Variants in NSMCE2 observed in about 807,000 individuals in gnomAD.
NSMCE2 encodes the protein E3 SUMO-protein ligase NSE2.
NSMCE2 carries 24 observed loss-of-function variants against 23.8 expected under a neutral mutation model. That is an observed-to-expected ratio of 1.01 (90% CI 0.73 to 1.42). The LOEUF is 1.42. NSMCE2 is among the 40% of genes most tolerant of loss of function. The pLI, the probability that NSMCE2 is intolerant of heterozygous loss-of-function variation, is 0.00. For missense variants in NSMCE2, 284 were observed against 296.5 expected, an observed-to-expected ratio of 0.96 and a Z score of 0.31; for synonymous variants, 92 against 94.1, an observed-to-expected ratio of 0.98 and a Z score of 0.13.
intron 5 of NSMCE2, among the ~76,000 whole-genome samples, chr8:125,292,485 C>T (rs1239135950): frequency 1.3e-5 from 2 of 151,480 alleles, no homozygotes; most frequent in Non-Finnish European, 1.5e-5. Context: ...ACCTAGGAGG[C>T]GGAGATTGCA....
At chr8:125,138,262 C>T (rs147092454) in intron 3 of NSMCE2, among the ~76,000 whole-genome samples, 1 of 152,260 alleles carries the variant, frequency 6.6e-6, no homozygotes, top group African/African-American at 2.4e-5. Context: ...CAATCTCTGT[C>T]ACTCAGGATG....
chr8:125,121,112 G>C (rs1224587347), intron 3 of NSMCE2, among the ~76,000 whole-genome samples: 2 of 152,184 alleles, frequency 1.3e-5, no homozygotes, highest in East Asian at 1.9e-4. Flanking sequence ...GTAGAGCCAG[G>C]AGAAAGTGGC....
intron 3 of NSMCE2, among the ~76,000 whole-genome samples, chr8:125,147,100 A>G (rs1382829519): frequency 2.0e-5 from 3 of 152,180 alleles, no homozygotes; most frequent in African/African-American, 2.4e-5. Context: ...AGTGTTGTAC[A>G]GCAATGCTTT....
At chr8:125,353,587 A>G (rs1232669300) in intron 5 of NSMCE2, among the ~76,000 whole-genome samples, 2 of 152,206 alleles carry the variant, frequency 1.3e-5, no homozygotes, top group Non-Finnish European at 2.9e-5. Flanking sequence ...TACCTGCCCT[A>G]TTAAATATCG....
chr8:125,103,248 G>C (rs2130367841), intron 3 of NSMCE2, among the ~76,000 whole-genome samples: 1 of 152,196 alleles, frequency 6.6e-6, no homozygotes, highest in East Asian at 1.9e-4. Context: ...GGAGGTTGCA[G>C]TGAGTCGAGA....
chr8:125,350,829 T>C (rs148574366), intron 5 of NSMCE2, among the ~76,000 whole-genome samples: 22 of 152,092 alleles, frequency 1.4e-4, no homozygotes, highest in African/African-American at 5.1e-4. Context: ...AGCCAAACCA[T>C]ATTAGGTTGT....
At chr8:125,316,409 G>A (rs756965453) in intron 5 of NSMCE2, among the ~76,000 whole-genome samples, 5 of 152,180 alleles carry the variant, frequency 3.3e-5, no homozygotes, top group Non-Finnish European at 5.9e-5. Context: ...GTATGATAAG[G>A]TACAAAGTCT....
chr8:125,186,120 G>T (rs914808224), intron 5 of NSMCE2, among the ~76,000 whole-genome samples: 1 of 151,994 alleles, frequency 6.6e-6, no homozygotes, highest in African/African-American at 2.4e-5. Context: ...TTAACTGTTG[G>T]AGAAAAAAAT....
intron 5 of NSMCE2, among the ~76,000 whole-genome samples, chr8:125,251,029 T>C (rs1428188250): frequency 6.6e-6 from 1 of 152,208 alleles, no homozygotes; most frequent in African/African-American, 2.4e-5. Flanking sequence ...AAAAATTATA[T>C]AGCAGCTGTT....
rs370700789 is a variant in NSMCE2, at chr8:125,124,995, A to C, written c.157+22508A>C. Among the ~76,000 whole-genome samples, 5 of 151,886 alleles carry C rather than the reference A, an allele frequency of 3.3e-5. No homozygotes were observed. In the East Asian group the frequency reaches 7.7e-4, roughly 24 times the overall value. ...TTTTTAGTAGAGATGGGGTTTCACT[A>C]TGTTGGCCAGGCTGGTCTGGAACTC... On this transcript the variant is annotated intron_variant, in intron 3 of 7. Coordinates refer to ENST00000287437, the MANE Select transcript of NSMCE2 (RefSeq NM_173685.4).
chr8:125,139,397 G>A lies in NSMCE2; in HGVS notation c.158-11774G>A, dbSNP rs1164289005. Reference sequence around the variant, plus strand: ...TTTTTTTGTTTTTAATATAGTATGTGTTGTCTTCTGTATTAGTCTGTTCTC... The same window carrying A: ...TTTTTTTGTTTTTAATATAGTATGTATTGTCTTCTGTATTAGTCTGTTCTC... On this transcript the variant is annotated intron_variant, in intron 3 of 7. Transcript: ENST00000287437. Among the ~76,000 whole-genome samples the A allele has an allele frequency of 5.9e-5, 9 of 152,072 alleles. No individual in the cohort carries two copies. In the East Asian group the frequency reaches 1.2e-3, roughly 20 times the overall value.
At chr8:125,185,709 A>G (rs879428629) in intron 5 of NSMCE2, among the ~76,000 whole-genome samples, 10 of 152,360 alleles carry the variant, frequency 6.6e-5, no homozygotes, top group Admixed American at 3.9e-4. Context: ...TTCTAAAAAT[A>G]TTAACATATG....
At chr8:125,282,148 C>T (rs1827721319) in intron 5 of NSMCE2, among the ~76,000 whole-genome samples, 1 of 151,428 alleles carries the variant, frequency 6.6e-6, no homozygotes, top group Non-Finnish European at 1.5e-5. Flanking sequence ...GAGTCTCACT[C>T]TGTAACCCAG....
At chr8:125,145,393 G>A (rs996723667) in intron 3 of NSMCE2, among the ~76,000 whole-genome samples, 8 of 151,612 alleles carry the variant, frequency 5.3e-5, no homozygotes, top group African/African-American at 1.7e-4. Flanking sequence ...GTGGCAGTGC[G>A]GGGGGGATAG....
At chr8:125,134,625 C>A (rs774371744) in intron 3 of NSMCE2, among the ~76,000 whole-genome samples, 1 of 151,286 alleles carries the variant, frequency 6.6e-6, no homozygotes, top group Non-Finnish European at 1.5e-5. Flanking sequence ...TTAATCATTG[C>A]ATTTTGAGGG....
chr8:125,261,855 G>A (rs951294316), intron 5 of NSMCE2, among the ~76,000 whole-genome samples: 1 of 151,942 alleles, frequency 6.6e-6, no homozygotes, highest in East Asian at 1.9e-4. Flanking sequence ...CCAGCACTTT[G>A]GGAGGCCAGC....
intron 4 of NSMCE2, among the ~76,000 whole-genome samples, chr8:125,177,662 A>G (rs1822564039): frequency 6.6e-6 from 1 of 152,182 alleles, no homozygotes; most frequent in African/African-American, 2.4e-5. Context: ...AATGCCTTAT[A>G]ATTAAATCCA....
intron 3 of NSMCE2, among the ~76,000 whole-genome samples, chr8:125,113,875 T>TAGC (rs1818877010): frequency 1.3e-5 from 2 of 152,194 alleles, no homozygotes; most frequent in Admixed American, 1.3e-4. Context: ...GAGTGAGGTT[T>TAGC]AGCAGGTTCT....
At chr8:125,233,210 A>T (rs1163193978) in intron 5 of NSMCE2, among the ~76,000 whole-genome samples, 3 of 152,232 alleles carry the variant, frequency 2.0e-5, no homozygotes, top group Non-Finnish European at 2.9e-5. Flanking sequence ...TAGAGCTGTG[A>T]TAAACCCTGC....
Sources: allele counts gnomAD v4.1 joint callset (sites outside exome capture counted in the v4.1 genomes callset), GRCh38; gene constraint gnomAD v4.1.1; transcripts MANE v1.5; gene names NCBI Gene and HGNC (gene_info 2026-07-23, HGNC 2026-07-21).